NRIP3: variants seen among roughly 807,000 people sequenced by gnomAD.
The protein encoded by NRIP3 is nuclear receptor interacting protein 3, also known as nuclear receptor-interacting protein 3.
A neutral mutation model predicts 29.0 loss-of-function variants in NRIP3; 31 were observed. That is an observed-to-expected ratio of 1.07 (90% CI 0.80 to 1.44). NRIP3 has a LOEUF of 1.44. NRIP3 is among the 40% of genes most tolerant of loss of function. NRIP3 has a pLI of 0.00. For missense variants in NRIP3, 314 were observed against 297.9 expected (o/e 1.05, Z -0.40); for synonymous variants, 131 against 118.3 (o/e 1.11, Z -0.70).
intron 1 of NRIP3, among the ~76,000 whole-genome samples, chr11:8,997,422 T>C (rs1854727211): frequency 6.6e-6 from 1 of 151,712 alleles, no homozygotes; most frequent in African/African-American, 2.4e-5. Context: ...AGATGGATGC[T>C]GCAGATACCC....
rs927415035 is a variant in NRIP3, at chr11:9,002,329, A to G, written c.174+1433T>C. Among the ~76,000 whole-genome samples the G allele has an allele frequency of 2.0e-5, 3 of 152,314 alleles. No homozygotes were observed. The East Asian group carries it at 5.8e-4, about 29-fold the overall frequency. On this transcript the variant is annotated intron_variant, in intron 1 of 6. Transcript: ENST00000309166. ...ATCGAGATTGCTTTAAAGTGAAAGAAGGGAAAAGAGAGTTATCTCTTTTGC... is the reference window on the plus strand; with the variant it reads ...ATCGAGATTGCTTTAAAGTGAAAGAGGGGAAAAGAGAGTTATCTCTTTTGC...
At chr11:9,000,979 G>T (rs1167209900) in intron 1 of NRIP3, among the ~76,000 whole-genome samples, 1 of 152,048 alleles carries the variant, frequency 6.6e-6, no homozygotes, top group Non-Finnish European at 1.5e-5. Context: ...TGAGGTGGGA[G>T]GATCTCTTGA....
At chr11:8,988,427 A>G in intron 1 of NRIP3, 145 bp from the exon 2 acceptor site, 1 of 672,712 alleles carries the variant, frequency 1.5e-6, no homozygotes, top group Non-Finnish European at 2.5e-6. Flanking sequence ...TCAAGTGAGG[A>G]CTTCACTGGT....
chr11:8,991,716 C>T (rs916219996), intron 1 of NRIP3, among the ~76,000 whole-genome samples: 13 of 152,216 alleles, frequency 8.5e-5, no homozygotes, highest in African/African-American at 3.1e-4. Flanking sequence ...CAGAGGCTGC[C>T]AGTTGCTCTT....
At chr11:8,993,307 C>A (rs1056962911) in intron 1 of NRIP3, among the ~76,000 whole-genome samples, 1 of 151,738 alleles carries the variant, frequency 6.6e-6, no homozygotes, top group African/African-American at 2.4e-5. Context: ...TTTTTAAACA[C>A]CAAGGAAATT....
intron 1 of NRIP3, 94 bp downstream of exon 1, chr11:9,003,668 G>T: frequency 8.1e-7 from 1 of 1,227,294 alleles, no homozygotes; most frequent in Non-Finnish European, 1.1e-6. Context: ...GGCGGGCCGG[G>T]CCGTGACTCA....
chr11:8,984,239 T>C, intron 4 of NRIP3, 115 bp from the exon 5 acceptor site: 1 of 692,624 alleles, frequency 1.4e-6, no homozygotes, highest in South Asian at 1.7e-5. Context: ...AAACATATAT[T>C]GAGCATGTGT....
chr11:9,004,115 TCGCGTCCCGCGTCC>T (rs548203402), upstream of NRIP3: 293 of 479,244 alleles, frequency 6.1e-4, 1 homozygote, highest in African/African-American at 4.1e-3. Context: ...CGCGGCTCCC[TCGCGTCCCGCGTCC>T]CGCGTCCCGC....
chr11:9,004,135 C>G, upstream of NRIP3: 1 of 421,548 alleles, frequency 2.4e-6, no homozygotes, highest in Non-Finnish European at 4.0e-6. Flanking sequence ...CGTCCCGCGT[C>G]CCGCGTCCCC....
chr11:8,989,449 A>G (rs1204765283), intron 1 of NRIP3, among the ~76,000 whole-genome samples: 1 of 152,242 alleles, frequency 6.6e-6, no homozygotes, highest in Admixed American at 6.5e-5. Flanking sequence ...CCCAGAGCCT[A>G]GAACCTTTCA....
At chr11:9,000,614 A>C (rs1854776648) in intron 1 of NRIP3, among the ~76,000 whole-genome samples, 1 of 152,228 alleles carries the variant, frequency 6.6e-6, no homozygotes, top group Non-Finnish European at 1.5e-5. Flanking sequence ...ATCATTTAGG[A>C]AAGACAGCAT....
At chr11:8,993,872 TAGC>T (rs1854653641) in intron 1 of NRIP3, among the ~76,000 whole-genome samples, 5 of 145,652 alleles carry the variant, frequency 3.4e-5, no homozygotes, top group Admixed American at 3.4e-4. Context: ...AATTAAGAAA[TAGC>T]AGTATCACCA....
intron 1 of NRIP3, among the ~76,000 whole-genome samples, 171 bp downstream of exon 1, chr11:9,003,591 C>T (rs1693526794): frequency 6.6e-6 from 1 of 152,166 alleles, no homozygotes; most frequent in South Asian, 2.1e-4. Context: ...GAATCCCCAC[C>T]GAAACCGCAG....
chr11:8,983,602 C>A, intron 6 of NRIP3, 42 bp from the exon 7 acceptor site: 1 of 1,598,704 alleles, frequency 6.3e-7, no homozygotes, highest in South Asian at 1.1e-5. Context: ...ATGCCAAATT[C>A]AAAAAAAGTT....
intron 4 of NRIP3, 117 bp downstream of exon 4, chr11:8,985,594 A>C: frequency 7.4e-7 from 1 of 1,344,108 alleles, no homozygotes. Context: ...GTACAAAAAA[A>C]TGGGAACCAT....
intron 1 of NRIP3, among the ~76,000 whole-genome samples, chr11:9,000,945 T>A (rs1448883280): frequency 6.6e-6 from 1 of 152,076 alleles, no homozygotes; most frequent in Non-Finnish European, 1.5e-5. Context: ...GGTGTGCACC[T>A]GTAATCCTAG....
chr11:9,003,967 G>A lies in NRIP3; in HGVS notation c.-32C>T, dbSNP rs1207625648. 1.7e-5 allele frequency: 25 copies of A among 1,465,376 alleles called. No homozygotes were observed. The highest frequency in any genetic ancestry group is 2.4e-4 in the Middle Eastern group (1 of 4,132). The allele number at this position is 1,465,376 out of a possible 1,614,324, so 90.8% of individuals were successfully genotyped here. ...GGCGCCGGCGGCCCGGTAGCCCACA[G>A]CCCCCCGGCAGCCTCAGCCTCGAGC... On this transcript the variant is annotated 5_prime_UTR_variant, in exon 1 of 7. Transcript: ENST00000309166.
intron 1 of NRIP3, among the ~76,000 whole-genome samples, chr11:8,999,151 A>G (rs1424479438): frequency 1.3e-5 from 2 of 152,182 alleles, no homozygotes; most frequent in African/African-American, 4.8e-5. Context: ...TCCCCGCTGC[A>G]AGTCTTATCC....
chr11:8,984,021 G>A, intron 5 of NRIP3, 51 bp downstream of exon 5: 1 of 1,602,468 alleles, frequency 6.2e-7, no homozygotes, highest in Non-Finnish European at 8.6e-7. Context: ...TGTGTAAGAG[G>A]ATACCTGCCT....
Sources: allele counts gnomAD v4.1 joint callset (sites outside exome capture counted in the v4.1 genomes callset), GRCh38; gene constraint gnomAD v4.1.1; transcripts MANE v1.5; gene names NCBI Gene and HGNC (gene_info 2026-07-23, HGNC 2026-07-21).